Variants in CCDC179 observed in about 807,000 individuals in gnomAD.
CCDC179 encodes coiled-coil domain containing 179, also known as coiled-coil domain-containing protein 179.
CCDC179 carries 17 observed loss-of-function variants against 12.0 expected under a neutral mutation model. The observed-to-expected ratio is 1.42, with a 90% confidence interval of 0.97 to 2.13. The LOEUF (loss-of-function observed/expected upper bound fraction) is 2.13, where lower values mean the gene tolerates loss of function less well. Ranked by LOEUF, CCDC179 falls within the 30% of genes most tolerant of loss-of-function variation. The pLI is 0.00. For missense variants in CCDC179, 83 were observed against 78.6 expected (o/e 1.06, Z -0.21); for synonymous variants, 27 against 26.4 (o/e 1.02, Z -0.07).
intron 3 of CCDC179, among the ~76,000 whole-genome samples, chr11:22,854,713 A>G (rs1454014236): frequency 6.6e-6 from 1 of 151,814 alleles, no homozygotes; most frequent in African/African-American, 2.4e-5. Flanking sequence ...ACAGTAACAG[A>G]TAAGGCACAT....
At position 22,847,335 on chromosome 11, in the gene CCDC179, A is replaced by G; in HGVS notation, c.*175T>C. The G allele has an allele frequency of 2.6e-6, 1 of 386,016 alleles. No individual in the cohort carries two copies. The highest frequency in any genetic ancestry group is 4.5e-6 in the Non-Finnish European group (1 of 220,726). 23.9% of individuals were successfully genotyped at this position (386,016 alleles called of 1,614,324 possible). On this transcript the variant is annotated 3_prime_UTR_variant, in exon 4 of 4. Transcript: ENST00000532798. ...ATGGTAGTGAGAGATGGCATTTAAT[A>G]AAATTCTAGAGCCTGTAGCTTGGAT...
In CCDC179 at chr11:22,860,393, G is replaced by A; in HGVS notation, c.29C>T (p.Pro10Leu). 1 of 1,535,648 alleles carries A rather than the reference G, an allele frequency of 6.5e-7. No homozygotes were observed. The highest frequency in any genetic ancestry group is 8.7e-7 in the Non-Finnish European group (1 of 1,146,682). Residue 10 changes from proline (P) to leucine (L), a missense_variant, in exon 1 of 4, where the codon CCT (proline) becomes CTT (leucine). Transcript: ENST00000532798. The stretch of plus-strand genomic sequence containing the variant: ...CAGACTCACAGGGTTGACTTGGGAA[G>A]GCTCGATGTCCCAGCAATACAGGCA... MCLYCWDIE[P>L]SQVNPEGPRQ...
At chr11:22,856,626 T>C (rs1219824091) in intron 3 of CCDC179, among the ~76,000 whole-genome samples, 1 of 151,564 alleles carries the variant, frequency 6.6e-6, no homozygotes, top group Non-Finnish European at 1.5e-5. Flanking sequence ...TTCTCACTTC[T>C]GTTCAACATC....
At chr11:22,852,864 C>G (rs530965904) in intron 3 of CCDC179, among the ~76,000 whole-genome samples, 2 of 152,290 alleles carry the variant, frequency 1.3e-5, no homozygotes, top group South Asian at 2.1e-4. Flanking sequence ...CAAAATGAAC[C>G]CACTGGGCAG....
At position 22,850,959 on chromosome 11, in the gene CCDC179, TATATATATATA is replaced by T. The variant is rs1564915033; in HGVS notation, c.196-3449_196-3439del. Among the ~76,000 whole-genome samples, 21 of 13,044 alleles carry T rather than the reference TATATATATATA, an allele frequency of 1.6e-3. 1 individual carries two copies. Among genetic ancestry groups the T allele is most frequent in the East Asian group, 4.5e-3 (2 of 444 alleles). 8.6% of individuals were successfully genotyped at this position (13,044 alleles called of 152,430 possible). The stretch of plus-strand genomic sequence containing the variant: ...CATAGGCTATATATATATATATATA[TATATATATATA>T]TATATATTTTTTTTTTTTTTTTTTT... On this transcript the variant is annotated intron_variant, in intron 3 of 3. Coordinates refer to ENST00000532798, the MANE Select transcript of CCDC179 (RefSeq NM_001195637.2).
chr11:22,848,572 A>G (rs1298553460), intron 3 of CCDC179, among the ~76,000 whole-genome samples: 2 of 152,236 alleles, frequency 1.3e-5, no homozygotes, highest in Non-Finnish European at 2.9e-5. Context: ...TTTGTCAAAT[A>G]AAGTACTTAT....
At chr11:22,852,693 C>A (rs1354876496) in intron 3 of CCDC179, among the ~76,000 whole-genome samples, 1 of 152,154 alleles carries the variant, frequency 6.6e-6, no homozygotes, top group Non-Finnish European at 1.5e-5. Flanking sequence ...CCCCTGCCCA[C>A]AAAACTATCC....
At chr11:22,856,421 A>G (rs759832372) in intron 3 of CCDC179, among the ~76,000 whole-genome samples, 1 of 151,568 alleles carries the variant, frequency 6.6e-6, no homozygotes, top group African/African-American at 2.4e-5. Context: ...TCATATGATC[A>G]TATCAACAAT....
Position 22,859,441 on chromosome 11 carries a change from T to G in CCDC179, c.90+11A>C, listed in dbSNP as rs1858610410. The G allele has an allele frequency of 2.0e-6, 3 of 1,483,042 alleles. No individual in the cohort carries two copies. The highest frequency in any genetic ancestry group is 2.5e-5 in the East Asian group (1 of 39,584). 91.9% of individuals were successfully genotyped at this position (1,483,042 alleles called of 1,614,324 possible). ...AAACAACCAGAACCTAGTTCTTTAT[T>G]TAAACATTACCTGCCGCTCAGTGAC... On this transcript the variant is annotated intron_variant, in intron 2 of 3. Transcript: ENST00000532798.
chr11:22,850,976 A>ATTTTTTTTTTTTTTTT (rs1164245496), intron 3 of CCDC179, among the ~76,000 whole-genome samples: 2 of 6,122 alleles, frequency 3.3e-4, no homozygotes, highest in Non-Finnish European at 4.4e-4. Context: ...ATATATATAT[A>ATTTTTTTTTTTTTTTT]TTTTTTTTTT....
chr11:22,858,140 A>G (rs1858570540), intron 2 of CCDC179, 114 bp from the exon 3 acceptor site: 3 of 575,086 alleles, frequency 5.2e-6, no homozygotes, highest in African/African-American at 1.9e-5. Context: ...CACCACTGCA[A>G]ACGGTTCACA....
At chr11:22,859,718 TAAA>T (rs1253370486) in intron 1 of CCDC179, among the ~76,000 whole-genome samples, 2 of 152,122 alleles carry the variant, frequency 1.3e-5, no homozygotes, top group Admixed American at 1.3e-4. Flanking sequence ...GATATTATGA[TAAA>T]AAAGAACCAG....
intron 3 of CCDC179, among the ~76,000 whole-genome samples, chr11:22,856,495 A>G (rs982842989): frequency 6.6e-6 from 1 of 151,560 alleles, no homozygotes; most frequent in Non-Finnish European, 1.5e-5. Context: ...TACTAGGTGT[A>G]GAGAGGGATG....
At chr11:22,850,976 AT>A (rs1164245496) in intron 3 of CCDC179, among the ~76,000 whole-genome samples, 7 of 6,104 alleles carry the variant, frequency 1.1e-3, no homozygotes, top group African/African-American at 1.8e-3. Context: ...ATATATATAT[AT>A]TTTTTTTTTT....
At chr11:22,853,601 A>G (rs1858464508) in intron 3 of CCDC179, among the ~76,000 whole-genome samples, 1 of 151,872 alleles carries the variant, frequency 6.6e-6, no homozygotes, top group African/African-American at 2.4e-5. Flanking sequence ...TATAGAATAC[A>G]TTATTCAAGA....
At chr11:22,858,253 A>G (rs958050183) in intron 2 of CCDC179, 1 of 321,434 alleles carries the variant, frequency 3.1e-6, no homozygotes, top group Middle Eastern at 8.8e-4. Flanking sequence ...AAATAAGACT[A>G]TTCTTGATTC....
intron 2 of CCDC179, 55 bp from the exon 3 acceptor site, chr11:22,858,081 T>G (rs1858568762): frequency 8.9e-7 from 1 of 1,120,296 alleles, no homozygotes; most frequent in South Asian, 1.7e-5. Context: ...CATATAAAGG[T>G]AACATTCTGA....
chr11:22,850,803 G>C (rs78969307), intron 3 of CCDC179, among the ~76,000 whole-genome samples: 19,172 of 150,602 alleles, frequency 0.13, 1,576 homozygotes, highest in Non-Finnish European at 0.18. Flanking sequence ...AGAGGTACAG[G>C]GTTCAGAAAT....
At chr11:22,855,417 A>C (rs940295155) in intron 3 of CCDC179, among the ~76,000 whole-genome samples, 2 of 151,644 alleles carry the variant, frequency 1.3e-5, no homozygotes, top group African/African-American at 2.4e-5. Context: ...AATTCCTCAA[A>C]TATTTGGAAA....
Sources: allele counts gnomAD v4.1 joint callset (sites outside exome capture counted in the v4.1 genomes callset), GRCh38; gene constraint gnomAD v4.1.1; transcripts MANE v1.5; gene names NCBI Gene and HGNC (gene_info 2026-07-23, HGNC 2026-07-21).